Variants in GFOD1 observed in about 807,000 individuals in gnomAD.
GFOD1 encodes glucose-fructose oxidoreductase domain-containing protein 1.
GFOD1 carries 9 observed loss-of-function variants against 25.4 expected under a neutral mutation model. That is an observed-to-expected ratio of 0.35 (90% CI 0.21 to 0.62). The LOEUF is 0.62. Among genes scored for constraint, GFOD1 ranks in the 20% least tolerant of loss-of-function variants. GFOD1 has a pLI of 0.72. For synonymous variants in GFOD1, 253 were observed against 245.6 expected (o/e 1.03, Z -0.28); for missense variants, 403 against 556.9 (o/e 0.72, Z 2.78).
At chr6:13,408,203 T>A in intron 1 of GFOD1, 6 of 506,712 alleles carry the variant, frequency 1.2e-5, no homozygotes, top group Non-Finnish European at 1.5e-5. Flanking sequence ...AATGTGGCCT[T>A]GGGCCAGACT....
rs1374836081 is a variant in GFOD1, at chr6:13,411,496, TAGCCAG to T, written c.254-45840_254-45835del. Among the ~76,000 whole-genome samples, 4 of 152,006 alleles carry T rather than the reference TAGCCAG, an allele frequency of 2.6e-5. No individual in the cohort carries two copies. The South Asian group carries it at 8.3e-4, about 32-fold the overall frequency. On this transcript the variant is annotated intron_variant, in intron 1 of 1. Transcript: ENST00000379287. ...TAGTAGAGTCGGGGTTTCACCATGT[TAGCCAG>T]GCTGGTCTCGATCTCCTGACCTCAA...
rs70989854 is a variant in GFOD1, at chr6:13,393,780, C to CTTTTTTTTT, written c.254-28127_254-28119dup. 9.9e-4 allele frequency among the ~76,000 whole-genome samples: 119 copies of CTTTTTTTTT among 120,238 alleles called. 3 individuals are homozygous for CTTTTTTTTT. Among genetic ancestry groups the CTTTTTTTTT allele is most frequent in the Non-Finnish European group, 1.4e-3 (84 of 60,340 alleles). The allele number at this position is 120,238 out of a possible 152,430, so 78.9% of individuals were successfully genotyped here. On this transcript the variant is annotated intron_variant, in intron 1 of 1. Transcript: ENST00000379287. ...CCTTGGCCAATTTCTTTTTTCTTTTCTTTTTTTTTTTTTTTTTGAGACGGA... is the reference window on the plus strand; with the variant it reads ...CCTTGGCCAATTTCTTTTTTCTTTTCTTTTTTTTTTTTTTTTTTTTTTTTTTGAGACGGA...
chr6:13,448,143 C>A (rs1454358602), intron 1 of GFOD1, among the ~76,000 whole-genome samples: 1 of 152,176 alleles, frequency 6.6e-6, no homozygotes, highest in Non-Finnish European at 1.5e-5. Flanking sequence ...CAGCAGGGAA[C>A]AAGACCATGC....
At chr6:13,374,728 CTTTTTTTT>C (rs147560408) in intron 1 of GFOD1, among the ~76,000 whole-genome samples, 2 of 66,810 alleles carry the variant, frequency 3.0e-5, no homozygotes, top group Non-Finnish European at 6.0e-5. Flanking sequence ...CATCTCAAAT[CTTTTTTTT>C]TTTTTTTTTT....
chr6:13,395,109 A>G (rs996212031), intron 1 of GFOD1, among the ~76,000 whole-genome samples: 2 of 152,134 alleles, frequency 1.3e-5, no homozygotes, highest in African/African-American at 4.8e-5. Context: ...TCTCGTAGAG[A>G]CAGTGGCTTT....
At position 13,435,872 on chromosome 6, in the gene GFOD1, G is replaced by A. The variant is rs188223195; in HGVS notation, c.253+50766C>T. 1.2e-3 allele frequency among the ~76,000 whole-genome samples: 185 copies of A among 152,276 alleles called. 1 individual carries two copies. Among genetic ancestry groups the A allele is most frequent in the African/African-American group, 4.2e-3 (173 of 41,564 alleles). On this transcript the variant is annotated intron_variant, in intron 1 of 1. Transcript: ENST00000379287. Reference sequence around the variant, plus strand: ...TATAAATATAGGAATGGAAGAGAGGGGTTAGGAGTGATGGTCAAAGGAGAT... The same window carrying A: ...TATAAATATAGGAATGGAAGAGAGGAGTTAGGAGTGATGGTCAAAGGAGAT...
intron 1 of GFOD1, among the ~76,000 whole-genome samples, chr6:13,463,579 G>A (rs540583749): frequency 7.2e-5 from 11 of 152,222 alleles, no homozygotes; most frequent in African/African-American, 1.4e-4. Flanking sequence ...ACAGTTATCC[G>A]TCCATTAAGC....
intron 1 of GFOD1, among the ~76,000 whole-genome samples, chr6:13,409,659 C>T (rs991918125): frequency 5.3e-4 from 81 of 152,116 alleles, no homozygotes; most frequent in Non-Finnish European, 1.1e-3. Flanking sequence ...CGGTGGCTCA[C>T]GCCTGTAATC....
Position 13,364,713 on chromosome 6 carries a change from G to T in GFOD1, c.*30C>A, listed in dbSNP as rs370993918. 378 of 1,570,580 alleles carry T rather than the reference G, an allele frequency of 2.4e-4. 1 individual carries two copies. The African/African-American group carries it at 4.2e-3, about 17-fold the overall frequency. On this transcript the variant is annotated 3_prime_UTR_variant, in exon 2 of 2. Coordinates refer to ENST00000379287, the MANE Select transcript of GFOD1 (RefSeq NM_018988.4). The surrounding 1 kb of genome is among the most constrained non-coding windows in gnomAD (Gnocchi z 4.1). Reference sequence around the variant, plus strand: ...CTCTCTGTGGACATCCCCTGCAGAAGGCTCAAGTCCCCGAGGTTCTCAATC... The same window carrying T: ...CTCTCTGTGGACATCCCCTGCAGAATGCTCAAGTCCCCGAGGTTCTCAATC...
Position 13,486,964 on chromosome 6 carries a change from C to G in GFOD1, c.-74G>C. On this transcript the variant is annotated 5_prime_UTR_variant, in exon 1 of 2. Transcript: ENST00000379287. ...ACGCGCGCACACACCCACCTCTAGC[C>G]AGTCCTGCACCCCGCTCCTGTAGCC... The G allele has an allele frequency of 6.6e-7, 1 of 1,515,240 alleles. No individual in the cohort carries two copies. The highest frequency in any genetic ancestry group is 8.9e-7 in the Non-Finnish European group (1 of 1,126,860). 93.9% of individuals were successfully genotyped at this position (1,515,240 alleles called of 1,614,324 possible). A position where few individuals can be genotyped will look rare whatever the true frequency, so the allele number is the denominator to read the frequency against.
rs181027484 is a variant in GFOD1, at chr6:13,361,190, T to A, written c.*3553A>T. 241 of 277,268 alleles carry A rather than the reference T, an allele frequency of 8.7e-4. 2 individuals carry two copies. Among genetic ancestry groups the A allele is most frequent in the African/African-American group, 4.8e-3 (215 of 44,882 alleles). The allele number at this position is 277,268 out of a possible 1,614,324, so 17.2% of individuals were successfully genotyped here. A position where few individuals can be genotyped will look rare whatever the true frequency, so the allele number is the denominator to read the frequency against. On this transcript the variant is annotated 3_prime_UTR_variant, in exon 2 of 2. Transcript: ENST00000379287. Reference sequence around the variant, plus strand: ...GCTGCCATGTAGGCTAAGGGGGGTCTGGGGTGCCCTACAATGCAATTGTCT... The same window carrying A: ...GCTGCCATGTAGGCTAAGGGGGGTCAGGGGTGCCCTACAATGCAATTGTCT...
chr6:13,466,087 C>A (rs1317920441), intron 1 of GFOD1, among the ~76,000 whole-genome samples: 1 of 152,144 alleles, frequency 6.6e-6, no homozygotes, highest in African/African-American at 2.4e-5. Flanking sequence ...ATGGGTGCCA[C>A]CTCTGATCTC....
intron 1 of GFOD1, among the ~76,000 whole-genome samples, chr6:13,386,814 C>G (rs2127560104): frequency 6.6e-6 from 1 of 152,302 alleles, no homozygotes; most frequent in South Asian, 2.1e-4. Context: ...CGAGATGGGA[C>G]TACAACAGCT....
Position 13,388,068 on chromosome 6 carries a change from A to T in GFOD1, c.254-22406T>A, listed in dbSNP as rs148429638. 6.3e-3 allele frequency among the ~76,000 whole-genome samples: 954 copies of T among 152,364 alleles called. 12 individuals are homozygous for T. Among genetic ancestry groups the T allele is most frequent in the African/African-American group, 0.022 (915 of 41,596 alleles). On this transcript the variant is annotated intron_variant, in intron 1 of 1. Transcript: ENST00000379287. ...ATCCAACTTACAAGGGATGTGAAGG[A>T]CCTCTTCAAGGAGAACTACAAACCA...
intron 1 of GFOD1, among the ~76,000 whole-genome samples, chr6:13,397,394 C>T (rs972925341): frequency 6.6e-6 from 1 of 152,220 alleles, no homozygotes; most frequent in Non-Finnish European, 1.5e-5. Context: ...AGCTCAGGCC[C>T]CTTGTCTCTC....
rs945351065 is a variant in GFOD1 at position 13,469,563 on chromosome 6, A to T, written c.253+17075T>A. 2.8e-6 allele frequency: 3 copies of T among 1,055,822 alleles called. No homozygotes were observed. The African/African-American group carries it at 5.0e-5, about 18-fold the overall frequency. The allele number at this position is 1,055,822 out of a possible 1,614,324, so 65.4% of individuals were successfully genotyped here. A position where few individuals can be genotyped will look rare whatever the true frequency, so the allele number is the denominator to read the frequency against. On this transcript the variant is annotated intron_variant, in intron 1 of 1. Transcript: ENST00000379287. ...ATACTGGAAAACACATAAGCTTTGG[A>T]GTCAAGCAAACTTAAGTTGAATTCT...
intron 1 of GFOD1, among the ~76,000 whole-genome samples, chr6:13,484,476 C>G (rs1342335072): frequency 1.3e-5 from 2 of 152,002 alleles, no homozygotes; most frequent in Non-Finnish European, 2.9e-5. Flanking sequence ...GCAGGGGCAC[C>G]CTGCAAAAGA....
chr6:13,364,948 C>T lies in GFOD1; in HGVS notation c.968G>A (p.Arg323Gln), dbSNP rs770616020. ...VRQAFQDQDDRRTWDGRPLTM... is the reference protein window; with the variant it reads ...VRQAFQDQDDQRTWDGRPLTM... Reference sequence around the variant, plus strand: ...GAGGGGCCGCCCATCCCACGTGCGCCGGTCGTCCTGGTCCTGGAAGGCCTG... The same window carrying T: ...GAGGGGCCGCCCATCCCACGTGCGCTGGTCGTCCTGGTCCTGGAAGGCCTG... Residue 323 changes from arginine to glutamine, a missense_variant, in exon 2 of 2, where the codon CGG becomes CAG. By Grantham distance (43) the Arg-to-Gln change is conservative. Coordinates refer to ENST00000379287, the MANE Select transcript of GFOD1 (RefSeq NM_018988.4). This position sits in a 1 kb window ranked among gnomAD's most constrained non-coding sequence, Gnocchi z 4.1. 3.1e-6 allele frequency: 5 copies of T among 1,611,050 alleles called. No individual in the cohort carries two copies. The African/African-American group carries it at 4.0e-5, about 13-fold the overall frequency.
chr6:13,380,686 G>C (rs962628903), intron 1 of GFOD1, among the ~76,000 whole-genome samples: 1 of 152,140 alleles, frequency 6.6e-6, no homozygotes, highest in Non-Finnish European at 1.5e-5. Flanking sequence ...AGGAAATAAG[G>C]AAGGCTTAGC....
Sources: allele counts gnomAD v4.1 joint callset (sites outside exome capture counted in the v4.1 genomes callset), GRCh38; gene constraint gnomAD v4.1.1; non-coding constraint Gnocchi (gnomAD v3.1); transcripts MANE v1.5; gene names NCBI Gene and HGNC (gene_info 2026-07-23, HGNC 2026-07-21).